Variants in UBE2D2 observed in about 807,000 individuals in gnomAD.
The protein encoded by UBE2D2 is ubiquitin conjugating enzyme E2 D2.
In UBE2D2, 2 loss-of-function variants were observed where a neutral mutation model predicts 24.2. That is an observed-to-expected ratio of 0.08 (90% CI 0.03 to 0.26). The LOEUF (loss-of-function observed/expected upper bound fraction) is 0.26. Among genes scored for constraint, UBE2D2 ranks in the 10% least tolerant of loss-of-function variants. The pLI is 1.00. For synonymous variants in UBE2D2, 58 were observed against 56.5 expected (o/e 1.03, Z -0.12); for missense variants, 44 against 177.6 (o/e 0.25, Z 4.28).
Position 139,561,751 on chromosome 5 carries a change from C to G in UBE2D2, c.-41C>G. ...GCCCCTTCCCCGTCCCTTCCCCGCC[C>G]CCGTCCCCGCCCCGGGGGCCGCCGC... On this transcript the variant is annotated 5_prime_UTR_variant, in exon 1 of 7. Coordinates refer to ENST00000398733, the MANE Select transcript of UBE2D2 (RefSeq NM_003339.3). 2 of 1,444,888 alleles carry G rather than the reference C, an allele frequency of 1.4e-6. No homozygotes were observed. The highest frequency in any genetic ancestry group is 1.8e-6 in the Non-Finnish European group (2 of 1,088,718). 89.5% of individuals were successfully genotyped at this position (1,444,888 alleles called of 1,614,324 possible).
intron 5 of UBE2D2, among the ~76,000 whole-genome samples, chr5:139,622,117 C>T (rs1754522784): frequency 6.6e-6 from 1 of 152,220 alleles, no homozygotes; most frequent in Non-Finnish European, 1.5e-5. Context: ...GTCATATCAA[C>T]TCTTCTTACA....
In UBE2D2 at chr5:139,591,177, A is replaced by G. The variant is rs114801038; in HGVS notation, c.25-9195A>G. Among the ~76,000 whole-genome samples the G allele has an allele frequency of 7.9e-3, 1,156 of 146,212 alleles. 8 individuals are homozygous for G. The highest frequency in any genetic ancestry group is 0.046 in the Middle Eastern group (12 of 260). On this transcript the variant is annotated intron_variant, in intron 1 of 6. Transcript: ENST00000398733. ...GCTGTTGTTGCCCAGGCTGGAGTGC[A>G]TGGTGCAATCTCGGCTCACCATAAC...
At chr5:139,539,213 C>T (rs533727627) in intron 1 of UBE2D2, among the ~76,000 whole-genome samples, 9 of 151,938 alleles carry the variant, frequency 5.9e-5, no homozygotes, top group Admixed American at 5.3e-4. Context: ...TTAGTAGAGA[C>T]GGGGTTTCAA....
At chr5:139,590,881 G>T (rs946583006) in intron 1 of UBE2D2, among the ~76,000 whole-genome samples, 5 of 133,372 alleles carry the variant, frequency 3.7e-5, no homozygotes, top group African/African-American at 1.4e-4. Flanking sequence ...TGCAATGTCC[G>T]CCTCCCGGGT....
chr5:139,539,993 C>G (rs1241900909), intron 1 of UBE2D2, among the ~76,000 whole-genome samples: 1 of 150,954 alleles, frequency 6.6e-6, no homozygotes, highest in South Asian at 2.1e-4. Flanking sequence ...AATCTCGGCT[C>G]ACTGCAACCT....
intron 5 of UBE2D2, among the ~76,000 whole-genome samples, chr5:139,622,851 C>T (rs879896156): frequency 2.0e-5 from 3 of 151,592 alleles, no homozygotes; most frequent in Non-Finnish European, 4.4e-5. Context: ...GACCGCGCCG[C>T]GCCACTGCAC....
chr5:139,616,668 T>A (rs980879588), intron 5 of UBE2D2, among the ~76,000 whole-genome samples: 2 of 152,234 alleles, frequency 1.3e-5, no homozygotes, highest in Non-Finnish European at 2.9e-5. Flanking sequence ...GGTATAGATT[T>A]GTAGAGCCCA....
upstream of UBE2D2, among the ~76,000 whole-genome samples, chr5:139,558,019 G>T (rs1753004887): frequency 1.3e-5 from 2 of 151,870 alleles, no homozygotes; most frequent in African/African-American, 4.8e-5. Context: ...AAGATCACTT[G>T]AGCCAGGAGT....
rs374396899 is a variant in UBE2D2, at chr5:139,548,150, C to A, written c.-64+21538C>A. On this transcript the variant is annotated intron_variant, in intron 1 of 6. Transcript: ENST00000511725. Reference sequence around the variant, plus strand: ...CTGCATTCCAGCCTGGGCGACAGAGCGAGACTCCGTCTCAAAAAAAAAAAA... The same window carrying A: ...CTGCATTCCAGCCTGGGCGACAGAGAGAGACTCCGTCTCAAAAAAAAAAAA... Among the ~76,000 whole-genome samples, 5 of 94,904 alleles carry A rather than the reference C, an allele frequency of 5.3e-5. No homozygotes were observed. The East Asian group carries it at 3.0e-3, about 57-fold the overall frequency. 62.3% of individuals were successfully genotyped at this position (94,904 alleles called of 152,430 possible).
Position 139,561,631 on chromosome 5 carries a change from GC to G in UBE2D2, c.-157del. ...TGCGGCAGGCCCAGGAGCTGAGTGGGCCCCGGCCCTCAGCCCGTCCCGCCGG... is the reference window on the plus strand; with the variant it reads ...TGCGGCAGGCCCAGGAGCTGAGTGGGCCCGGCCCTCAGCCCGTCCCGCCGG... On this transcript the variant is annotated 5_prime_UTR_variant, in exon 1 of 7. Coordinates refer to ENST00000398733, the MANE Select transcript of UBE2D2 (RefSeq NM_003339.3). 1.9e-6 allele frequency: 1 copy of G among 513,036 alleles called. No homozygotes were observed. Among genetic ancestry groups the G allele is most frequent in the Non-Finnish European group, 3.3e-6 (1 of 301,972 alleles). 31.8% of individuals were successfully genotyped at this position (513,036 alleles called of 1,614,324 possible). A position where few individuals can be genotyped will look rare whatever the true frequency, so the allele number is the denominator to read the frequency against.
intron 1 of UBE2D2, among the ~76,000 whole-genome samples, chr5:139,591,124 CTCTT>C (rs1210071944): frequency 2.1e-5 from 3 of 142,170 alleles, no homozygotes; most frequent in African/African-American, 5.2e-5. Context: ...TTTTCTCTCT[CTCTT>C]TTTTTTTTTT....
chr5:139,531,511 G>C (rs1250393073), intron 1 of UBE2D2, among the ~76,000 whole-genome samples: 3 of 151,790 alleles, frequency 2.0e-5, no homozygotes, highest in African/African-American at 7.3e-5. Context: ...GCTGAATAAA[G>C]CCCTTCTACA....
At chr5:139,561,189 G>A (rs917057265), upstream of UBE2D2, 14 of 152,766 alleles carry the variant, frequency 9.2e-5, no homozygotes, top group African/African-American at 3.1e-4. Context: ...ACGCCCTCCG[G>A]GGCCGTGGCG....
chr5:139,560,193 T>C (rs1202620443), upstream of UBE2D2, among the ~76,000 whole-genome samples: 4 of 120,662 alleles, frequency 3.3e-5, no homozygotes, highest in Non-Finnish European at 5.0e-5. Flanking sequence ...GCCACCACTC[T>C]CGGCTATTTT....
At chr5:139,591,933 C>G (rs1432444637) in intron 1 of UBE2D2, among the ~76,000 whole-genome samples, 2 of 152,124 alleles carry the variant, frequency 1.3e-5, no homozygotes, top group African/African-American at 4.8e-5. Context: ...GGCGCGGTGG[C>G]TCATGCCTGT....
chr5:139,615,651 A>G (rs1196138210), intron 5 of UBE2D2, among the ~76,000 whole-genome samples: 2 of 152,178 alleles, frequency 1.3e-5, no homozygotes, highest in Non-Finnish European at 2.9e-5. Context: ...TGCTGTAAAC[A>G]TAGACGTTAG....
rs1252881822 is a variant in UBE2D2 at position 139,627,284 on chromosome 5, G to A, written c.*483G>A. ...TTTATTCCGAAGGAGCTACGTCTTAGGTGAAAGTTATGACCAACCAGATTA... is the reference window on the plus strand; with the variant it reads ...TTTATTCCGAAGGAGCTACGTCTTAAGTGAAAGTTATGACCAACCAGATTA... On this transcript the variant is annotated 3_prime_UTR_variant, in exon 7 of 7. Coordinates refer to ENST00000398733, the MANE Select transcript of UBE2D2 (RefSeq NM_003339.3). The A allele has an allele frequency of 6.5e-6, 1 of 154,686 alleles. No individual in the cohort carries two copies. The highest frequency in any genetic ancestry group is 2.4e-5 in the African/African-American group (1 of 41,482). The allele number at this position is 154,686 out of a possible 1,614,324, so 9.6% of individuals were successfully genotyped here.
At position 139,542,760 on chromosome 5, in the gene UBE2D2, A is replaced by G. The variant is rs1752775994; in HGVS notation, c.-64+16148A>G. 2.6e-5 allele frequency among the ~76,000 whole-genome samples: 4 copies of G among 152,250 alleles called. No homozygotes were observed. In the South Asian group the frequency reaches 8.3e-4, roughly 31 times the overall value. The stretch of plus-strand genomic sequence containing the variant: ...AGGGATAAACATAATAAATATCCAT[A>G]TAATTCAGACTTAAAAAGGAAATAA... On this transcript the variant is annotated intron_variant, in intron 1 of 6. Transcript: ENST00000511725.
intron 2 of UBE2D2, among the ~76,000 whole-genome samples, chr5:139,609,649 G>C (rs948456640): frequency 1.3e-5 from 2 of 150,374 alleles, no homozygotes; most frequent in African/African-American, 4.9e-5. Flanking sequence ...GGGATTACAG[G>C]TGTGAGCCAT....
Sources: allele counts gnomAD v4.1 joint callset (sites outside exome capture counted in the v4.1 genomes callset), GRCh38; gene constraint gnomAD v4.1.1; transcripts MANE v1.5; gene names NCBI Gene and HGNC (gene_info 2026-07-23, HGNC 2026-07-21).